PCDHA5: variants seen among roughly 807,000 people sequenced by gnomAD.
The protein encoded by PCDHA5 is protocadherin alpha-5.
Under a neutral mutation model 61.6 loss-of-function variants are expected in PCDHA5, and 43 were observed. The observed-to-expected ratio is 0.70, with a 90% CI of 0.55 to 0.90. The LOEUF (loss-of-function observed/expected upper bound fraction) is 0.90, where lower values mean the gene tolerates loss of function less well. PCDHA5 is among the 40% of genes least tolerant of loss of function. PCDHA5 has a pLI of 0.00. For synonymous variants in PCDHA5, 627 were observed against 543.9 expected (o/e 1.15, Z -2.13); for missense variants, 1,298 against 1,222.7 (o/e 1.06, Z -0.92).
intron 1 of PCDHA5, among the ~76,000 whole-genome samples, chr5:140,906,606 G>A (rs2072783004): frequency 6.6e-6 from 1 of 152,208 alleles, no homozygotes; most frequent in Non-Finnish European, 1.5e-5. Context: ...TACTCATTCT[G>A]TATTCCCTTT....
intron 1 of PCDHA5, chr5:140,966,441 CT>C (rs1165111455): frequency 7.1e-6 from 3 of 424,684 alleles, no homozygotes; most frequent in African/African-American, 4.1e-5. Context: ...CTACCGCTCC[CT>C]TTCCCCCTCC....
At chr5:140,848,284 A>G (rs1378049676) in intron 1 of PCDHA5, 1 of 612,322 alleles carries the variant, frequency 1.6e-6, no homozygotes, top group Non-Finnish European at 2.9e-6. Flanking sequence ...ATGTACTTAC[A>G]CTTTGGGCCA....
At chr5:140,890,886 A>G (rs1332125590) in intron 1 of PCDHA5, among the ~76,000 whole-genome samples, 3 of 151,952 alleles carry the variant, frequency 2.0e-5, no homozygotes, top group Admixed American at 1.3e-4. Flanking sequence ...TTCATCAGGG[A>G]TTATTGTCTT....
chr5:141,007,844 C>T (rs782712601), intron 3 of PCDHA5, among the ~76,000 whole-genome samples: 3 of 152,176 alleles, frequency 2.0e-5, no homozygotes, highest in Non-Finnish European at 4.4e-5. Context: ...ATTAGAGACT[C>T]AAAGTCCTTA....
intron 1 of PCDHA5, chr5:140,842,284 C>A: frequency 1.2e-6 from 2 of 1,610,320 alleles, no homozygotes; most frequent in South Asian, 1.1e-5. Context: ...TCCTCATTGA[C>A]GCCACGGACA....
At chr5:140,875,886 A>C (rs201813340) in intron 1 of PCDHA5, 1 of 1,614,176 alleles carries the variant, frequency 6.2e-7, no homozygotes, top group Non-Finnish European at 8.5e-7. Flanking sequence ...AAAGGGAACA[A>C]AAGGTACCTG....
chr5:140,956,189 A>C (rs2095264873), intron 1 of PCDHA5, among the ~76,000 whole-genome samples: 1 of 152,142 alleles, frequency 6.6e-6, no homozygotes, highest in South Asian at 2.1e-4. Context: ...ACTATGCTGA[A>C]TAGGAGTGGT....
At chr5:140,899,252 C>T (rs1219703479) in intron 1 of PCDHA5, among the ~76,000 whole-genome samples, 1 of 152,142 alleles carries the variant, frequency 6.6e-6, no homozygotes, top group Non-Finnish European at 1.5e-5. Context: ...TGAGAGAGGG[C>T]ATCCCTGTCT....
At chr5:140,831,961 A>G (rs1331979824) in intron 1 of PCDHA5, among the ~76,000 whole-genome samples, 1 of 152,176 alleles carries the variant, frequency 6.6e-6, no homozygotes, top group Non-Finnish European at 1.5e-5. Flanking sequence ...ACTTTATGTC[A>G]TTTTATGCTA....
Position 141,011,329 on chromosome 5 carries a change from T to G in PCDHA5, c.*1392T>G, listed in dbSNP as rs924246191. 6.5e-6 allele frequency: 1 copy of G among 153,804 alleles called. No homozygotes were observed. Among genetic ancestry groups the G allele is most frequent in the African/African-American group, 2.4e-5 (1 of 41,472 alleles). 9.5% of individuals were successfully genotyped at this position (153,804 alleles called of 1,614,324 possible). ...TTGCTAATCTTACTAACACCTATGA[T>G]GTTACCTGAAATCAATCTCCCATAT... is the stretch of plus-strand genomic sequence containing the variant. On this transcript the variant is annotated 3_prime_UTR_variant, in exon 4 of 4. Coordinates refer to ENST00000529859, the MANE Select transcript of PCDHA5 (RefSeq NM_018908.3).
chr5:140,859,506 C>A, intron 1 of PCDHA5: 1 of 197,142 alleles, frequency 5.1e-6, no homozygotes, highest in Non-Finnish European at 1.0e-5. Flanking sequence ...ACCTGATACC[C>A]ATGATTTCAT....
At chr5:140,907,406 A>G (rs2073359357) in intron 1 of PCDHA5, among the ~76,000 whole-genome samples, 1 of 152,216 alleles carries the variant, frequency 6.6e-6, no homozygotes, top group African/African-American at 2.4e-5. Context: ...TGTGTGGAAT[A>G]CCACGATGGT....
At position 140,886,685 on chromosome 5, in the gene PCDHA5, G is replaced by A. The variant is rs1250817978; in HGVS notation, c.2352+62558G>A. On this transcript the variant is annotated intron_variant, in intron 1 of 3. Transcript: ENST00000529859. The stretch of plus-strand genomic sequence containing the variant: ...TACTAAAAATACAAAAATTAGCGAG[G>A]CATGGTGGCACGCGCCTGTAATCCC... Among the ~76,000 whole-genome samples the A allele has an allele frequency of 2.6e-5, 4 of 152,080 alleles. No homozygotes were observed. In the East Asian group the frequency reaches 7.8e-4, roughly 30 times the overall value.
rs2150171293 is a variant in PCDHA5, at chr5:140,829,615, T to G, written c.2352+5488T>G. On this transcript the variant is annotated intron_variant, in intron 1 of 3. Transcript: ENST00000529859. ...GCGAGCGCGCGTTGTCGAGCTACAT[T>G]TCGGTGCACGCGGAGAGCGGCAAGG... is the stretch of plus-strand genomic sequence containing the variant. The G allele has an allele frequency of 5.0e-6, 8 of 1,612,084 alleles. No individual in the cohort carries two copies. In the African/African-American group the frequency reaches 9.3e-5, roughly 19 times the overall value.
intron 1 of PCDHA5, among the ~76,000 whole-genome samples, chr5:140,958,345 C>G (rs1220590485): frequency 6.6e-6 from 1 of 152,044 alleles, no homozygotes; most frequent in African/African-American, 2.4e-5. Flanking sequence ...ACAGGAAGTT[C>G]ACAGTCTGAC....
intron 1 of PCDHA5, chr5:140,860,038 C>T (rs1333374793): frequency 6.6e-6 from 1 of 151,844 alleles, no homozygotes; most frequent in African/African-American, 2.4e-5. Context: ...CCTGTAATCC[C>T]AGCATTTTGA....
intron 1 of PCDHA5, chr5:140,884,779 G>C: frequency 1.4e-6 from 2 of 1,404,226 alleles, no homozygotes; most frequent in Non-Finnish European, 1.9e-6. Context: ...TTTTAATTTT[G>C]CTAGTTGTTA....
At chr5:140,870,252 GGTGACCT>G in intron 1 of PCDHA5, 5 of 1,614,198 alleles carry the variant, frequency 3.1e-6, no homozygotes, top group Non-Finnish European at 4.2e-6. Context: ...TCAACGGACA[GGTGACCT>G]GCTCGCTGAC....
intron 3 of PCDHA5, among the ~76,000 whole-genome samples, chr5:140,998,686 T>G (rs1245765431): frequency 6.6e-6 from 1 of 152,118 alleles, no homozygotes; most frequent in Non-Finnish European, 1.5e-5. Context: ...TGCCTCAGCC[T>G]CCCAAGTAGC....
Sources: gnomAD v4.1 joint callset for allele counts (sites outside exome capture counted in the v4.1 genomes callset) on GRCh38, gnomAD v4.1.1 for gene constraint, MANE v1.5 for transcripts, NCBI Gene and HGNC (gene_info 2026-07-23, HGNC 2026-07-21) for gene names.